The following RPL36A variants were observed in gnomAD, a reference collection of about 807,000 sequenced individuals.
RPL36A encodes large ribosomal subunit protein eL42.
For missense variants in RPL36A, 20 were observed against 81.0 expected (o/e 0.25, Z 2.89); for synonymous variants, 25 against 28.5 (o/e 0.88, Z 0.39).
At chrX:101,391,184 C>G in intron 1 of RPL36A, 138 bp downstream of exon 1, 1 of 735,699 alleles carries the variant, frequency 1.4e-6, no homozygotes, top group Non-Finnish European at 2.1e-6. Flanking sequence ...CGGGATCAAC[C>G]CTAAAGGGAC....
At chrX:101,395,176 A>G in intron 3 of RPL36A, 159 bp from the exon 4 acceptor site, 1 of 405,450 alleles carries the variant, frequency 2.5e-6, no homozygotes, top group Non-Finnish European at 3.8e-6. Flanking sequence ...ATGGCTTAAG[A>G]GTATACTGAG....
chrX:101,395,534 G>A, intron 4 of RPL36A, 77 bp downstream of exon 4: 1 of 1,155,249 alleles, frequency 8.7e-7, no homozygotes, highest in South Asian at 2.0e-5. Flanking sequence ...ATTCATTGTG[G>A]CATAGAGCTC....
chrX:101,391,206 G>A, intron 1 of RPL36A, 160 bp downstream of exon 1: 4 of 659,085 alleles, frequency 6.1e-6, no homozygotes, highest in South Asian at 5.4e-5. Flanking sequence ...GGGCTACGGG[G>A]CCAGGAATTG....
chrX:101,391,864 G>A (rs782253603), intron 3 of RPL36A, 42 bp downstream of exon 3: 1 of 1,201,179 alleles, frequency 8.3e-7, no homozygotes, highest in Admixed American at 2.2e-5. Context: ...GTTAATTGCC[G>A]TAAGGATATG....
chrX:101,394,950 G>C (rs1023154849), intron 3 of RPL36A, among the ~76,000 whole-genome samples: 1 of 103,722 alleles, frequency 9.6e-6, no homozygotes, highest in Non-Finnish European at 2.0e-5. Flanking sequence ...CACCATGCCC[G>C]GCTGATTTTT....
At position 101,395,343 on chromosome X, in the gene RPL36A, T is replaced by C; in HGVS notation, c.186T>C (p.Thr62=). Residue 62 remains threonine, a synonymous_variant, in exon 4 of 5, where the codon ACT becomes ACC. Transcript: ENST00000553110. The part of the protein sequence containing the change: ...TKPIFRKKAK[T]TKKIVLRLEC... ...ATTTAATTTTTTTTCAGGCTAAAAC[T>C]ACAAAGAAGATTGTGCTAAGGCTTG... is the stretch of plus-strand genomic sequence containing the variant. The C allele has an allele frequency of 8.4e-7, 1 of 1,192,821 alleles. No homozygotes were observed. The highest frequency in any genetic ancestry group is 1.9e-5 in the South Asian group (1 of 53,463).
intron 3 of RPL36A, 47 bp from the exon 4 acceptor site, chrX:101,395,288 G>T (rs1168035083): frequency 1.8e-6 from 2 of 1,120,181 alleles, no homozygotes; most frequent in African/African-American, 3.8e-5. Flanking sequence ...TGAAGAAAGT[G>T]ATCTTCTGTA....
intron 1 of RPL36A, 100 bp downstream of exon 1, chrX:101,391,146 T>A: frequency 1.0e-6 from 1 of 952,904 alleles, no homozygotes; most frequent in Non-Finnish European, 1.5e-6. Context: ...CTGTGTGGAC[T>A]CGATATATCA....
At position 101,395,924 on chromosome X, in the gene RPL36A, C is replaced by T. The variant is rs1928008854; in HGVS notation, c.*176C>T. The stretch of plus-strand genomic sequence containing the variant: ...TGCATTGAAGCTGACTGGTTGAGTT[C>T]ACATCATATGTTGCAATTTTCTAAT... On this transcript the variant is annotated 3_prime_UTR_variant, in exon 5 of 5. Coordinates refer to ENST00000553110, the MANE Select transcript of RPL36A (RefSeq NM_021029.6). 4.5e-6 allele frequency: 2 copies of T among 449,166 alleles called. No individual in the cohort carries two copies. The highest frequency in any genetic ancestry group is 7.4e-6 in the Non-Finnish European group (2 of 269,320). The allele number at this position is 449,166 out of a possible 1,213,427, so 37.0% of individuals were successfully genotyped here.
intron 3 of RPL36A, 41 bp downstream of exon 3, chrX:101,391,863 C>T (rs370487423): frequency 5.0e-4 from 599 of 1,199,080 alleles, no homozygotes; most frequent in Non-Finnish European, 5.3e-4. Flanking sequence ...AGTTAATTGC[C>T]GTAAGGATAT....
rs782160186 is a variant in RPL36A at position 101,391,633 on chromosome X, GTCTC to G, written c.109+74_109+77del. The G allele has an allele frequency of 7.5e-6, 9 of 1,194,742 alleles. No individual in the cohort carries two copies. The East Asian group carries it at 2.7e-4, about 36-fold the overall frequency. Reference sequence around the variant, plus strand: ...GTTGTAGAATAACATACGAGTCCGGGTCTCTCTCCCTCCACGCCTGGCTTGAGCG... The same window carrying G: ...GTTGTAGAATAACATACGAGTCCGGGTCTCCCTCCACGCCTGGCTTGAGCG... On this transcript the variant is annotated intron_variant, in intron 2 of 4. Transcript: ENST00000553110.
intron 3 of RPL36A, chrX:101,392,150 C>T (rs1927831915): frequency 9.5e-7 from 1 of 1,048,184 alleles, no homozygotes; most frequent in African/African-American, 1.9e-5. Context: ...GTCAATATGT[C>T]TGAATCCTCG....
In RPL36A at chrX:101,396,027, A is replaced by G. The variant is rs1775197816; in HGVS notation, c.*279A>G. 6.1e-6 allele frequency: 2 copies of G among 328,669 alleles called. No individual in the cohort carries two copies. Among genetic ancestry groups the G allele is most frequent in the Admixed American group, 1.1e-4 (2 of 18,134 alleles). The allele number at this position is 328,669 out of a possible 1,213,427, so 27.1% of individuals were successfully genotyped here. A position where few individuals can be genotyped will look rare whatever the true frequency, so the allele number is the denominator to read the frequency against. On this transcript the variant is annotated 3_prime_UTR_variant, in exon 5 of 5. Coordinates refer to ENST00000553110, the MANE Select transcript of RPL36A (RefSeq NM_021029.6). The stretch of plus-strand genomic sequence containing the variant: ...GTTATTGGTTATCATGTGAGTAGAC[A>G]CATTTCAGGCTAATAGGGAGAAGTC...
In RPL36A at chrX:101,394,706, TTATATA is replaced by T. The variant is rs781879386; in HGVS notation, c.178-621_178-616del. Among the ~76,000 whole-genome samples the T allele has an allele frequency of 8.9e-5, 9 of 101,254 alleles. No homozygotes were observed. In the East Asian group the frequency reaches 2.1e-3, roughly 23 times the overall value. The allele number at this position is 101,254 out of a possible 115,157, so 87.9% of individuals were successfully genotyped here. ...TCTTTGCTATTACCACATTTTCTCTTTATATATATATATTTATATATTATATATTAT... is the reference window on the plus strand; with the variant it reads ...TCTTTGCTATTACCACATTTTCTCTTTATATATTTATATATTATATATTAT... On this transcript the variant is annotated intron_variant, in intron 3 of 4. Coordinates refer to ENST00000553110, the MANE Select transcript of RPL36A (RefSeq NM_021029.6).
chrX:101,392,761 C>T, intron 3 of RPL36A: 2 of 295,183 alleles, frequency 6.8e-6, no homozygotes, highest in Non-Finnish European at 9.1e-6. Flanking sequence ...TTTGTTGTAG[C>T]ACTGTTTATA....
chrX:101,392,371 T>C, intron 3 of RPL36A: 4 of 839,657 alleles, frequency 4.8e-6, no homozygotes, highest in Non-Finnish European at 2.9e-6. Flanking sequence ...ATTAGCACGA[T>C]GATTGGAACG....
chrX:101,391,320 G>A, intron 1 of RPL36A, 139 bp from the exon 2 acceptor site: 1 of 770,876 alleles, frequency 1.3e-6, no homozygotes, highest in Non-Finnish European at 1.9e-6. Flanking sequence ...TGAAGCACAT[G>A]GGGCTGGCCC....
rs1927813629 is a variant in RPL36A at position 101,391,752 on chromosome X, C to T, written c.110-3C>T. 8.3e-7 allele frequency: 1 copy of T among 1,210,979 alleles called. No individual in the cohort carries two copies. The highest frequency in any genetic ancestry group is 1.1e-6 in the Non-Finnish European group (1 of 895,332). ...TATAACAAATACCAATTCGTTTTCC[C>T]AGGAAAGCGGCGTTATGACAGGAAG... On this transcript the variant is annotated splice_region_variant and splice_polypyrimidine_tract_variant and intron_variant, in intron 2 of 4. Coordinates refer to ENST00000553110, the MANE Select transcript of RPL36A (RefSeq NM_021029.6).
intron 3 of RPL36A, 89 bp downstream of exon 3, chrX:101,391,911 A>G (rs1199200961): frequency 2.5e-6 from 3 of 1,194,143 alleles, no homozygotes; most frequent in East Asian, 5.9e-5. Context: ...TGATATAGGT[A>G]TAGCGTTAGT....
Sources: gnomAD v4.1 joint callset for allele counts (sites outside exome capture counted in the v4.1 genomes callset) on GRCh38, gnomAD v4.1.1 for gene constraint, MANE v1.5 for transcripts, NCBI Gene and HGNC (gene_info 2026-07-23, HGNC 2026-07-21) for gene names.